The following IMMP2L variants were observed in gnomAD, a reference collection of about 807,000 sequenced individuals.
IMMP2L encodes mitochondrial inner membrane protease subunit 2.
Under a neutral mutation model 19.3 loss-of-function variants are expected in IMMP2L, and 18 were observed. The ratio of observed to expected loss-of-function variants is 0.93; its 90% confidence interval spans 0.64 to 1.38. The LOEUF is 1.38. Among genes scored for constraint, IMMP2L ranks in the 40% most tolerant of loss-of-function variants. The pLI is 0.00. For missense variants in IMMP2L, 233 were observed against 218.2 expected, an observed-to-expected ratio of 1.07 and a Z score of -0.43; for synonymous variants, 76 against 73.0, an observed-to-expected ratio of 1.04 and a Z score of -0.21.
intron 3 of IMMP2L, among the ~76,000 whole-genome samples, chr7:111,149,975 T>C (rs547109676): frequency 9.0e-4 from 137 of 152,256 alleles, no homozygotes; most frequent in African/African-American, 3.2e-3. Context: ...ACCAACAAAT[T>C]TGGATATGTC....
chr7:111,360,819 A>T (rs1304852029), intron 3 of IMMP2L, among the ~76,000 whole-genome samples: 1 of 152,132 alleles, frequency 6.6e-6, no homozygotes, highest in Non-Finnish European at 1.5e-5. Flanking sequence ...CCTTGTTTCA[A>T]AAAAACAAAG....
chr7:111,363,613 C>T (rs114929367), intron 3 of IMMP2L, among the ~76,000 whole-genome samples: 1,559 of 152,116 alleles, frequency 0.01, 29 homozygotes, highest in African/African-American at 0.034. Context: ...GAGTGTTAGT[C>T]TAGCTGATTT....
At chr7:110,667,230 G>A (rs142347101) in intron 5 of IMMP2L, among the ~76,000 whole-genome samples, 53 of 152,140 alleles carry the variant, frequency 3.5e-4, no homozygotes, top group African/African-American at 1.2e-3. Context: ...ATAGAGGTAG[G>A]CTTATTTGTT....
chr7:111,146,301 T>C (rs1206164476), intron 3 of IMMP2L, among the ~76,000 whole-genome samples: 1 of 152,014 alleles, frequency 6.6e-6, no homozygotes, highest in African/African-American at 2.4e-5. Flanking sequence ...GTTTCTCTGA[T>C]TTCTTGCTAG....
At chr7:111,433,108 T>C (rs1272088163) in intron 3 of IMMP2L, among the ~76,000 whole-genome samples, 5 of 151,742 alleles carry the variant, frequency 3.3e-5, no homozygotes, top group African/African-American at 1.2e-4. Flanking sequence ...CAGTTCTGCA[T>C]GTCTGGGGAG....
chr7:110,994,901 A>C (rs950032090), intron 3 of IMMP2L, among the ~76,000 whole-genome samples: 5 of 152,138 alleles, frequency 3.3e-5, no homozygotes, highest in Non-Finnish European at 4.4e-5. Context: ...TTGATATTAC[A>C]CAGAAAGGAA....
chr7:110,946,334 T>C (rs1817247239), intron 4 of IMMP2L, among the ~76,000 whole-genome samples: 1 of 152,328 alleles, frequency 6.6e-6, no homozygotes, highest in Admixed American at 6.5e-5. Flanking sequence ...TATATAGACA[T>C]ATATATGGTC....
chr7:110,754,849 G>T (rs1351738095), intron 5 of IMMP2L, among the ~76,000 whole-genome samples: 1 of 151,774 alleles, frequency 6.6e-6, no homozygotes, highest in Admixed American at 6.6e-5. Context: ...AGAACATTAT[G>T]CTCTTAACGT....
chr7:111,094,605 A>G (rs2129578425), intron 3 of IMMP2L, among the ~76,000 whole-genome samples: 1 of 152,294 alleles, frequency 6.6e-6, no homozygotes, highest in South Asian at 2.1e-4. Flanking sequence ...TGTCAAAGAT[A>G]AAGCTCTCTG....
At chr7:111,362,459 AG>A (rs1829352964) in intron 3 of IMMP2L, among the ~76,000 whole-genome samples, 1 of 152,076 alleles carries the variant, frequency 6.6e-6, no homozygotes, top group African/African-American at 2.4e-5. Flanking sequence ...TGCTAGTATA[AG>A]GTTTCACATA....
rs1486402897 is a variant in IMMP2L, at chr7:111,217,155, C to CACACACAA, written c.240-253591_240-253590insTTGTGTGT. ...ACACACACACACACACACACACACA[C>CACACACAA]ACACAATATGCAGTGGAGTTAAAAT... is the stretch of plus-strand genomic sequence containing the variant. On this transcript the variant is annotated intron_variant, in intron 3 of 5. Coordinates refer to ENST00000405709, the MANE Select transcript of IMMP2L (RefSeq NM_032549.4). Among the ~76,000 whole-genome samples, 1,070 of 151,140 alleles carry CACACACAA rather than the reference C, an allele frequency of 7.1e-3. 17 individuals are homozygous for CACACACAA. The highest frequency in any genetic ancestry group is 0.025 in the African/African-American group (1,020 of 40,850).
intron 3 of IMMP2L, among the ~76,000 whole-genome samples, chr7:111,337,432 A>C (rs1235826162): frequency 6.7e-6 from 1 of 149,906 alleles, no homozygotes; most frequent in Admixed American, 6.8e-5. Context: ...GAAGGTATTA[A>C]TTAAGTTATT....
At chr7:111,421,797 T>A (rs543975947) in intron 3 of IMMP2L, among the ~76,000 whole-genome samples, 1 of 151,960 alleles carries the variant, frequency 6.6e-6, no homozygotes, top group South Asian at 2.1e-4. Context: ...TCCTTGTCCA[T>A]GCCTATGTCC....
intron 3 of IMMP2L, among the ~76,000 whole-genome samples, chr7:111,280,301 A>G (rs1284047567): frequency 6.6e-6 from 1 of 152,106 alleles, no homozygotes; most frequent in Non-Finnish European, 1.5e-5. Context: ...CAGTTCCTGC[A>G]TGGCTCATTC....
chr7:111,061,229 A>G (rs1249271033), intron 3 of IMMP2L, among the ~76,000 whole-genome samples: 2 of 152,206 alleles, frequency 1.3e-5, no homozygotes, highest in East Asian at 1.9e-4. Flanking sequence ...CAGACTGAAG[A>G]TAAGTGGGCA....
At chr7:111,079,451 T>C (rs1795704478) in intron 3 of IMMP2L, among the ~76,000 whole-genome samples, 1 of 152,208 alleles carries the variant, frequency 6.6e-6, no homozygotes, top group African/African-American at 2.4e-5. Flanking sequence ...TCTAATACTA[T>C]ACAAATTGGC....
At position 110,847,538 on chromosome 7, in the gene IMMP2L, C is replaced by A. The variant is rs112213798; in HGVS notation, c.408+39055G>T. Reference sequence around the variant, plus strand: ...GGTTCAACATAACCTCAATCAAAAGCAAGTTGTTTTGTAGATATTAACAAA... The same window carrying A: ...GGTTCAACATAACCTCAATCAAAAGAAAGTTGTTTTGTAGATATTAACAAA... On this transcript the variant is annotated intron_variant, in intron 5 of 5. Coordinates refer to ENST00000405709, the MANE Select transcript of IMMP2L (RefSeq NM_032549.4). Among the ~76,000 whole-genome samples, 15 of 152,222 alleles carry A rather than the reference C, an allele frequency of 9.9e-5. 1 individual carries two copies. The highest frequency in any genetic ancestry group is 3.6e-4 in the African/African-American group (15 of 41,550).
intron 3 of IMMP2L, among the ~76,000 whole-genome samples, chr7:111,267,596 C>T (rs1304295922): frequency 6.6e-6 from 1 of 152,138 alleles, no homozygotes; most frequent in African/African-American, 2.4e-5. Flanking sequence ...AATTCTCTCA[C>T]CGATTTACTG....
At chr7:110,865,371 C>CCCATCTTGCCTACTCTCCAGTGTTA (rs2129543252) in intron 5 of IMMP2L, among the ~76,000 whole-genome samples, 1 of 152,132 alleles carries the variant, frequency 6.6e-6, no homozygotes, top group East Asian at 1.9e-4. Flanking sequence ...TTCAGCTTTT[C>CCCATCTTGCCTACTCTCCAGTGTTA]CCATCTTGCC....
Sources: allele counts gnomAD v4.1 joint callset (sites outside exome capture counted in the v4.1 genomes callset), GRCh38; gene constraint gnomAD v4.1.1; transcripts MANE v1.5; gene names NCBI Gene and HGNC (gene_info 2026-07-23, HGNC 2026-07-21).